Variants in EPB41L2 observed in about 807,000 individuals in gnomAD.
The protein encoded by EPB41L2 is erythrocyte membrane protein band 4.1 like 2.
EPB41L2 carries 43 observed loss-of-function variants against 113.0 expected under a neutral mutation model. The ratio of observed to expected loss-of-function variants is 0.38; its 90% CI spans 0.30 to 0.49. EPB41L2 has a LOEUF of 0.49. Ranked by LOEUF, EPB41L2 falls within the 20% of genes least tolerant of loss-of-function variation. EPB41L2 has a pLI of 0.95. For synonymous variants in EPB41L2, 442 were observed against 436.7 expected (o/e 1.01, Z -0.15); for missense variants, 1,147 against 1,223.4 (o/e 0.94, Z 0.93).
Position 130,863,729 on chromosome 6 carries a change from T to C in EPB41L2, c.2830-11A>G. ...TCCACCTTTTACAGTCTAAAGGTCA[T>C]AAAGGAGAAGAAGAAAAAACAGCAA... On this transcript the variant is annotated splice_polypyrimidine_tract_variant and intron_variant, in intron 17 of 19. Transcript: ENST00000337057. The C allele has an allele frequency of 6.2e-7, 1 of 1,602,188 alleles. No individual in the cohort carries two copies.
intron 14 of EPB41L2, among the ~76,000 whole-genome samples, chr6:130,876,145 A>G (rs1283154413): frequency 6.6e-6 from 1 of 152,220 alleles, no homozygotes; most frequent in Non-Finnish European, 1.5e-5. Context: ...TGTAAAAGCA[A>G]TGGAAAGTGA....
At chr6:130,876,806 A>G (rs1484584072) in intron 14 of EPB41L2, 5 of 1,258,334 alleles carry the variant, frequency 4.0e-6, no homozygotes, top group Non-Finnish European at 5.3e-6. Context: ...CATAATCAAC[A>G]AATAAGACAC....
intron 17 of EPB41L2, among the ~76,000 whole-genome samples, chr6:130,864,413 C>T (rs754918769): frequency 6.6e-6 from 1 of 152,174 alleles, no homozygotes; most frequent in Non-Finnish European, 1.5e-5. Context: ...TAGTCATACA[C>T]GTAGACATGG....
At chr6:130,860,143 T>C (rs1441089171) in intron 18 of EPB41L2, among the ~76,000 whole-genome samples, 2 of 152,252 alleles carry the variant, frequency 1.3e-5, no homozygotes, top group South Asian at 2.1e-4. Flanking sequence ...TTACTACATG[T>C]TGGTTTGTGC....
intron 1 of EPB41L2, among the ~76,000 whole-genome samples, chr6:131,030,281 A>G (rs1313787825): frequency 6.6e-6 from 1 of 152,210 alleles, no homozygotes; most frequent in Non-Finnish European, 1.5e-5. Context: ...TGGGGCTGGA[A>G]CATCCTGGTC....
intron 19 of EPB41L2, among the ~76,000 whole-genome samples, chr6:130,854,683 T>A (rs144210397): frequency 3.4e-4 from 52 of 152,348 alleles, no homozygotes; most frequent in African/African-American, 1.2e-3. Flanking sequence ...TGCTATTACC[T>A]TATGTTTGTA....
At chr6:130,867,325 G>T in intron 16 of EPB41L2, 134 bp downstream of exon 16, 1 of 1,139,140 alleles carries the variant, frequency 8.8e-7, no homozygotes, top group Non-Finnish European at 1.2e-6. Context: ...TGTTGTTGAA[G>T]TACACTTACA....
intron 1 of EPB41L2, among the ~76,000 whole-genome samples, chr6:131,024,115 A>C (rs1790275537): frequency 6.6e-6 from 1 of 152,192 alleles, no homozygotes; most frequent in South Asian, 2.1e-4. Flanking sequence ...GGAGAAGCCA[A>C]ATGCTGTAAG....
chr6:130,979,481 C>T (rs1184412270), intron 1 of EPB41L2, among the ~76,000 whole-genome samples: 2 of 118,370 alleles, frequency 1.7e-5, no homozygotes, highest in African/African-American at 3.4e-5. Flanking sequence ...GATGATGGAG[C>T]GAGACTCTGT....
chr6:130,869,403 A>G (rs972959361), intron 15 of EPB41L2, among the ~76,000 whole-genome samples, 160 bp downstream of exon 15: 3 of 152,144 alleles, frequency 2.0e-5, no homozygotes, highest in African/African-American at 7.2e-5. Context: ...GCGGGCAGAA[A>G]ATCCACAAAG....
At chr6:130,945,588 T>A (rs2128596796) in intron 3 of EPB41L2, among the ~76,000 whole-genome samples, 1 of 152,300 alleles carries the variant, frequency 6.6e-6, no homozygotes, top group East Asian at 1.9e-4. Flanking sequence ...GCTTCCAAAG[T>A]CTTGCAGGAA....
At chr6:130,868,364 A>G (rs1419450651) in intron 15 of EPB41L2, 1 of 152,264 alleles carries the variant, frequency 6.6e-6, no homozygotes, top group African/African-American at 2.4e-5. Flanking sequence ...TTAAAACATT[A>G]AAGGAAATAT....
At chr6:130,930,587 A>C (rs575772121) in intron 3 of EPB41L2, among the ~76,000 whole-genome samples, 1 of 152,342 alleles carries the variant, frequency 6.6e-6, no homozygotes, top group Non-Finnish European at 1.5e-5. Context: ...TGGTATTCAC[A>C]TCTGTTTGAT....
chr6:130,989,311 GT>G (rs1449923276), intron 1 of EPB41L2, among the ~76,000 whole-genome samples: 3 of 152,068 alleles, frequency 2.0e-5, no homozygotes, highest in Non-Finnish European at 4.4e-5. Flanking sequence ...CCCCTATCAG[GT>G]TACAAGCTCC....
chr6:130,901,418 A>G (rs933925014), intron 6 of EPB41L2, among the ~76,000 whole-genome samples: 5 of 151,110 alleles, frequency 3.3e-5, no homozygotes, highest in Middle Eastern at 3.2e-3. Flanking sequence ...GTGTGTGTGT[A>G]TATATATAAG....
At chr6:131,042,084 C>G (rs1188854159) in intron 1 of EPB41L2, among the ~76,000 whole-genome samples, 1 of 152,006 alleles carries the variant, frequency 6.6e-6, no homozygotes, top group Non-Finnish European at 1.5e-5. Context: ...TGAAAACTGG[C>G]CATATGGGAG....
intron 1 of EPB41L2, among the ~76,000 whole-genome samples, chr6:131,016,848 CA>C (rs10687764): frequency 5.7e-5 from 8 of 140,666 alleles, no homozygotes; most frequent in Admixed American, 1.4e-4. Context: ...TATTCGCACA[CA>C]AAAAAAAAAC....
chr6:130,920,123 T>C (rs1225170143), intron 4 of EPB41L2, among the ~76,000 whole-genome samples: 1 of 152,188 alleles, frequency 6.6e-6, no homozygotes, highest in Admixed American at 6.5e-5. Context: ...TCTCTTGGGT[T>C]TTCTCATAGC....
intron 8 of EPB41L2, among the ~76,000 whole-genome samples, chr6:130,896,577 T>C (rs1250816597): frequency 1.3e-5 from 2 of 152,270 alleles, no homozygotes; most frequent in Non-Finnish European, 2.9e-5. Context: ...GAAGCTATTT[T>C]ATCTGACTTA....
Sources: gnomAD v4.1 joint callset for allele counts (sites outside exome capture counted in the v4.1 genomes callset) on GRCh38, gnomAD v4.1.1 for gene constraint, MANE v1.5 for transcripts, NCBI Gene and HGNC (gene_info 2026-07-23, HGNC 2026-07-21) for gene names.